Variants in DOK5 observed in about 807,000 individuals in gnomAD.
DOK5 encodes downstream of tyrosine kinase 5.
In DOK5, 27 loss-of-function variants were observed where a neutral mutation model predicts 43.3. That is an observed-to-expected ratio of 0.62 (90% CI 0.46 to 0.86). DOK5 has a LOEUF of 0.86. DOK5 is among the 40% of genes least tolerant of loss of function. DOK5 has a pLI of 0.00. For synonymous variants in DOK5, 146 were observed against 140.1 expected, an observed-to-expected ratio of 1.04 and a Z score of -0.30; for missense variants, 373 against 392.9, an observed-to-expected ratio of 0.95 and a Z score of 0.43.
intron 1 of DOK5, among the ~76,000 whole-genome samples, chr20:54,551,363 C>T (rs890655915): frequency 3.9e-5 from 6 of 152,118 alleles, no homozygotes; most frequent in Middle Eastern, 3.2e-3. Flanking sequence ...TCTTTTCATC[C>T]TCTTCACAGA....
At chr20:54,555,178 C>T in intron 2 of DOK5, 138 bp downstream of exon 2, 1 of 615,494 alleles carries the variant, frequency 1.6e-6, no homozygotes, top group Non-Finnish European at 2.9e-6. Flanking sequence ...CCTAAAATAA[C>T]ATCTGCTTGC....
chr20:54,483,819 T>C (rs1461877871), intron 1 of DOK5, among the ~76,000 whole-genome samples: 2 of 152,220 alleles, frequency 1.3e-5, no homozygotes, highest in African/African-American at 2.4e-5. Flanking sequence ...TGGATAAGTA[T>C]TTGGAAGCTG....
intron 6 of DOK5, among the ~76,000 whole-genome samples, chr20:54,623,630 A>G (rs1344563848): frequency 6.6e-6 from 1 of 151,918 alleles, no homozygotes; most frequent in Non-Finnish European, 1.5e-5. Context: ...CCCAGGCTGG[A>G]GTACAGTGGT....
intron 1 of DOK5, among the ~76,000 whole-genome samples, chr20:54,499,165 A>G (rs1982503997): frequency 1.3e-5 from 2 of 152,224 alleles, no homozygotes; most frequent in South Asian, 4.1e-4. Flanking sequence ...AACTCTTGGG[A>G]TAAGGTTTAA....
intron 1 of DOK5, among the ~76,000 whole-genome samples, chr20:54,537,138 A>G (rs575306584): frequency 5.4e-4 from 82 of 152,314 alleles, no homozygotes; most frequent in African/African-American, 1.9e-3. Context: ...TATCATTATC[A>G]ATAATGAGGG....
intron 2 of DOK5, among the ~76,000 whole-genome samples, chr20:54,586,116 A>C (rs1267926334): frequency 6.6e-6 from 1 of 152,206 alleles, no homozygotes; most frequent in Non-Finnish European, 1.5e-5. Flanking sequence ...CTCAAACAAC[A>C]ACAATAAACT....
intron 1 of DOK5, among the ~76,000 whole-genome samples, chr20:54,548,179 A>C (rs748939072): frequency 2.0e-5 from 3 of 152,228 alleles, no homozygotes; most frequent in Non-Finnish European, 4.4e-5. Context: ...CATGGAAGTT[A>C]TACTATCATT....
chr20:54,585,537 C>A (rs1236675827), intron 2 of DOK5, among the ~76,000 whole-genome samples: 2 of 152,120 alleles, frequency 1.3e-5, no homozygotes, highest in Non-Finnish European at 1.5e-5. Flanking sequence ...AGTTGGCACA[C>A]GTGCTCTACC....
intron 2 of DOK5, among the ~76,000 whole-genome samples, chr20:54,576,296 A>G (rs1288599721): frequency 6.6e-6 from 1 of 152,184 alleles, no homozygotes; most frequent in Non-Finnish European, 1.5e-5. Flanking sequence ...TAAATTTTAA[A>G]TAAATAAAAT....
chr20:54,607,845 T>C (rs946445269), intron 5 of DOK5, among the ~76,000 whole-genome samples: 1 of 151,482 alleles, frequency 6.6e-6, no homozygotes, highest in African/African-American at 2.4e-5. Flanking sequence ...ATCGCACCAC[T>C]GCACTCCAGC....
chr20:54,639,819 A>G (rs1979018931), intron 6 of DOK5, among the ~76,000 whole-genome samples: 1 of 152,216 alleles, frequency 6.6e-6, no homozygotes, highest in African/African-American at 2.4e-5. Context: ...TCTGGTTACA[A>G]AAACATTACC....
At position 54,591,641 on chromosome 20, in the gene DOK5, A is replaced by C; in HGVS notation, c.435A>C (p.Pro145=). ...QSERFNVYLM[P]SPNLDVHGEC... ...AGAGATTCAATGTGTATTTGATGCC[A>C]TCTCCTAACTTAGATGTACATGGCG... Residue 145 remains proline, a synonymous_variant, in exon 5 of 8, where the codon CCA becomes CCC. Coordinates refer to ENST00000262593, the MANE Select transcript of DOK5 (RefSeq NM_018431.5). 1 of 1,611,352 alleles carries C rather than the reference A, an allele frequency of 6.2e-7. No individual in the cohort carries two copies. The highest frequency in any genetic ancestry group is 8.5e-7 in the Non-Finnish European group (1 of 1,178,982).
At chr20:54,482,167 T>C (rs985392256) in intron 1 of DOK5, among the ~76,000 whole-genome samples, 1 of 152,232 alleles carries the variant, frequency 6.6e-6, no homozygotes, top group Non-Finnish European at 1.5e-5. Flanking sequence ...ATGGTAGAGA[T>C]ATAAAATAAG....
rs116016279 is a variant in DOK5 at position 54,496,222 on chromosome 20, G to A, written c.66+20210G>A. 4.5e-3 allele frequency among the ~76,000 whole-genome samples: 687 copies of A among 152,260 alleles called. 4 individuals are homozygous for A. Among genetic ancestry groups the A allele is most frequent in the African/African-American group, 0.016 (666 of 41,544 alleles). On this transcript the variant is annotated intron_variant, in intron 1 of 7. Coordinates refer to ENST00000262593, the MANE Select transcript of DOK5 (RefSeq NM_018431.5). Reference sequence around the variant, plus strand: ...TAAGGTCATGCATTCTAGGGAATTCGATCTTGATTTTAAATAGGTGTCATG... The same window carrying A: ...TAAGGTCATGCATTCTAGGGAATTCAATCTTGATTTTAAATAGGTGTCATG...
At chr20:54,607,441 A>G (rs1986506734) in intron 5 of DOK5, among the ~76,000 whole-genome samples, 1 of 113,820 alleles carries the variant, frequency 8.8e-6, no homozygotes, top group Non-Finnish European at 1.9e-5. Context: ...TGTGTGTTCC[A>G]GATCTTCAGG....
chr20:54,540,502 A>G (rs1370571251), intron 1 of DOK5, among the ~76,000 whole-genome samples: 1 of 152,272 alleles, frequency 6.6e-6, no homozygotes, highest in Non-Finnish European at 1.5e-5. Flanking sequence ...TATACCAAGC[A>G]ATATGCTAAG....
At chr20:54,532,339 T>G (rs927218594) in intron 1 of DOK5, among the ~76,000 whole-genome samples, 1 of 152,198 alleles carries the variant, frequency 6.6e-6, no homozygotes, top group African/African-American at 2.4e-5. Context: ...GTTCTTGACT[T>G]TAATTGTATA....
At chr20:54,580,985 T>C (rs751583770) in intron 2 of DOK5, among the ~76,000 whole-genome samples, 24 of 152,298 alleles carry the variant, frequency 1.6e-4, no homozygotes, top group Admixed American at 2.6e-4. Flanking sequence ...CCCTCTGTTT[T>C]ATTCTAGGAG....
intron 1 of DOK5, among the ~76,000 whole-genome samples, chr20:54,514,394 T>A (rs1385763031): frequency 6.6e-6 from 1 of 152,170 alleles, no homozygotes; most frequent in Non-Finnish European, 1.5e-5. Context: ...AGAAGAGGAA[T>A]TCCAAGAATT....
Sources: gnomAD v4.1 joint callset for allele counts (sites outside exome capture counted in the v4.1 genomes callset) on GRCh38, gnomAD v4.1.1 for gene constraint, MANE v1.5 for transcripts, NCBI Gene and HGNC (gene_info 2026-07-23, HGNC 2026-07-21) for gene names.